The following KLHDC1 variants were observed in gnomAD, a reference collection of about 807,000 sequenced individuals.
The protein encoded by KLHDC1 is kelch domain-containing protein 1.
Under a neutral mutation model 68.3 loss-of-function variants are expected in KLHDC1, and 53 were observed. The ratio of observed to expected loss-of-function variants is 0.78; its 90% CI spans 0.62 to 0.98. The LOEUF (loss-of-function observed/expected upper bound fraction) is 0.98, where lower values mean the gene tolerates loss of function less well. Among genes scored for constraint, KLHDC1 ranks in the 50% least tolerant of loss-of-function variants. The pLI is 0.00. For synonymous variants in KLHDC1, 148 were observed against 159.0 expected (o/e 0.93, Z 0.52); for missense variants, 470 against 492.3 (o/e 0.95, Z 0.43).
At chr14:49,729,052 C>G in intron 7 of KLHDC1, 43 bp downstream of exon 7, 1 of 1,298,970 alleles carries the variant, frequency 7.7e-7, no homozygotes, top group Non-Finnish European at 1.1e-6. Context: ...GTGCAATGCT[C>G]CTTATAAAAA....
intron 1 of KLHDC1, among the ~76,000 whole-genome samples, chr14:49,699,378 A>T (rs1206158764): frequency 6.6e-6 from 1 of 151,622 alleles, no homozygotes; most frequent in Non-Finnish European, 1.5e-5. Context: ...AAGGAAAGGG[A>T]GACTAGGAGG....
At chr14:49,736,808 C>G (rs1888940005) in intron 10 of KLHDC1, among the ~76,000 whole-genome samples, 3 of 152,174 alleles carry the variant, frequency 2.0e-5, no homozygotes, top group Non-Finnish European at 4.4e-5. Context: ...TACCTTTTCT[C>G]TCCCCAACTT....
At chr14:49,705,307 C>T (rs979111954) in intron 1 of KLHDC1, among the ~76,000 whole-genome samples, 2 of 149,188 alleles carry the variant, frequency 1.3e-5, no homozygotes, top group African/African-American at 4.9e-5. Flanking sequence ...CAATAGGGAG[C>T]CATTGAAAGG....
intron 1 of KLHDC1, among the ~76,000 whole-genome samples, chr14:49,699,381 C>G (rs2139728228): frequency 6.9e-6 from 1 of 144,886 alleles, no homozygotes; most frequent in South Asian, 2.2e-4. Context: ...GAAAGGGAGA[C>G]TAGGAGGCAA....
chr14:49,707,270 T>G (rs1400556750), intron 1 of KLHDC1, among the ~76,000 whole-genome samples: 1 of 147,706 alleles, frequency 6.8e-6, no homozygotes. Flanking sequence ...TTTTCTATTT[T>G]TATGTGTGTG....
At chr14:49,706,679 T>C (rs1023446576) in intron 1 of KLHDC1, among the ~76,000 whole-genome samples, 1 of 152,256 alleles carries the variant, frequency 6.6e-6, no homozygotes, top group African/African-American at 2.4e-5. Flanking sequence ...CCGTTTTAAC[T>C]GAAGTGAGAT....
At chr14:49,700,451 G>T (rs1352703615) in intron 1 of KLHDC1, among the ~76,000 whole-genome samples, 1 of 152,132 alleles carries the variant, frequency 6.6e-6, no homozygotes, top group South Asian at 2.1e-4. Flanking sequence ...GGGCATGGTA[G>T]TGTGCTTCTA....
intron 11 of KLHDC1, 52 bp from the exon 12 acceptor site, chr14:49,743,701 C>T (rs373105386): frequency 6.3e-5 from 64 of 1,020,166 alleles, no homozygotes; most frequent in African/African-American, 4.3e-4. Context: ...CAATTATTAA[C>T]TCATTGTTAT....
In KLHDC1 at chr14:49,751,980, C is replaced by T. The variant is rs1889330377; in HGVS notation, c.*208C>T. The T allele has an allele frequency of 3.4e-6, 1 of 290,242 alleles. No homozygotes were observed. The highest frequency in any genetic ancestry group is 5.1e-5 in the Admixed American group (1 of 19,452). The allele number at this position is 290,242 out of a possible 1,614,324, so 18.0% of individuals were successfully genotyped here. On this transcript the variant is annotated 3_prime_UTR_variant, in exon 13 of 13. Transcript: ENST00000359332. ...ATTTGTAAACAAATTTCCTTACAAACTGCAGAACAAATATTCTTTCTGAAA... is the reference window on the plus strand; with the variant it reads ...ATTTGTAAACAAATTTCCTTACAAATTGCAGAACAAATATTCTTTCTGAAA...
At chr14:49,751,036 G>GT (rs1440741626) in intron 12 of KLHDC1, 2 of 152,192 alleles carry the variant, frequency 1.3e-5, no homozygotes, top group Non-Finnish European at 2.9e-5. Flanking sequence ...TGTGAGAAGG[G>GT]TATATGGTTA....
chr14:49,707,749 C>A (rs1256336903), intron 1 of KLHDC1: 2 of 149,212 alleles, frequency 1.3e-5, no homozygotes, highest in African/African-American at 2.5e-5. Context: ...CTCCTGAGCT[C>A]CAGTGATCCT....
intron 4 of KLHDC1, among the ~76,000 whole-genome samples, chr14:49,717,810 G>A (rs1470740319): frequency 2.6e-5 from 4 of 151,948 alleles, no homozygotes; most frequent in East Asian, 1.9e-4. Context: ...TCTTGGGAGC[G>A]TTTTGATTAC....
chr14:49,694,872 A>G lies in KLHDC1; in HGVS notation c.96+1582A>G, dbSNP rs566091243. ...CCGTCTCAAAACAAAAAAACAAAAA[A>G]CTGTACATACCTAATTTCAAAATTA... On this transcript the variant is annotated intron_variant, in intron 1 of 12. Coordinates refer to ENST00000359332, the MANE Select transcript of KLHDC1 (RefSeq NM_172193.3). Among the ~76,000 whole-genome samples, 449 of 152,164 alleles carry G rather than the reference A, an allele frequency of 3.0e-3. 3 individuals carry two copies. Among genetic ancestry groups the G allele is most frequent in the African/African-American group, 0.01 (434 of 41,522 alleles).
chr14:49,712,395 CCTT>C (rs1394287660), intron 4 of KLHDC1, among the ~76,000 whole-genome samples: 2 of 152,152 alleles, frequency 1.3e-5, no homozygotes. Flanking sequence ...TTCATCTACA[CCTT>C]CTATTTTCTG....
chr14:49,748,163 A>G lies in KLHDC1; in HGVS notation c.1035-3423A>G, dbSNP rs34782245. 3.7e-3 allele frequency among the ~76,000 whole-genome samples: 564 copies of G among 152,350 alleles called. 2 individuals are homozygous for G. The highest frequency in any genetic ancestry group is 6.8e-3 in the Middle Eastern group (2 of 294). On this transcript the variant is annotated intron_variant, in intron 12 of 12. Coordinates refer to ENST00000359332, the MANE Select transcript of KLHDC1 (RefSeq NM_172193.3). ...ATAAAGAATGAAAAGGTTTCTCCAC[A>G]CAGATGCTAAAATCAGTCAAGGAAA...
intron 4 of KLHDC1, among the ~76,000 whole-genome samples, chr14:49,722,173 A>C (rs1888543810): frequency 6.6e-6 from 1 of 152,188 alleles, no homozygotes; most frequent in Admixed American, 6.5e-5. Context: ...ACGTGTGCAC[A>C]ACGTGCAGGT....
At chr14:49,743,109 C>CTACTGGGCT (rs1432585014) in intron 11 of KLHDC1, among the ~76,000 whole-genome samples, 2 of 140,922 alleles carry the variant, frequency 1.4e-5, no homozygotes, top group African/African-American at 5.2e-5. Context: ...TTGAAAACCA[C>CTACTGGGCT]TACTGGGCTG....
intron 8 of KLHDC1, among the ~76,000 whole-genome samples, chr14:49,731,994 A>G (rs1333608945): frequency 6.6e-6 from 1 of 152,206 alleles, no homozygotes; most frequent in African/African-American, 2.4e-5. Flanking sequence ...CAAAGTAAAA[A>G]ACAACAATAT....
intron 4 of KLHDC1, among the ~76,000 whole-genome samples, chr14:49,714,707 T>G (rs10140777): frequency 0.67 from 102,011 of 151,428 alleles, 34,964 homozygotes; most frequent in East Asian, 0.89. Context: ...ATGTATAGTA[T>G]AGTATTTGAA....
Sources: gnomAD v4.1 joint callset for allele counts (sites outside exome capture counted in the v4.1 genomes callset) on GRCh38, gnomAD v4.1.1 for gene constraint, MANE v1.5 for transcripts, NCBI Gene and HGNC (gene_info 2026-07-23, HGNC 2026-07-21) for gene names.